COL4A6: variants seen among roughly 807,000 people sequenced by gnomAD.
COL4A6 encodes collagen type IV alpha 6 chain.
A neutral mutation model predicts 126.7 loss-of-function variants in COL4A6; 59 were observed. The observed-to-expected ratio is 0.47, with a 90% CI of 0.38 to 0.58. The LOEUF (loss-of-function observed/expected upper bound fraction) is 0.58, where lower values mean the gene tolerates loss of function less well. Among genes scored for constraint, COL4A6 ranks in the 20% least tolerant of loss-of-function variants. The pLI is 0.00. For missense variants in COL4A6, 1,285 were observed against 1,337.3 expected, an observed-to-expected ratio of 0.96 and a Z score of 0.61; for synonymous variants, 547 against 496.6, an observed-to-expected ratio of 1.10 and a Z score of -1.35.
At chrX:108,413,801 A>C (rs773730232) in intron 2 of COL4A6, among the ~76,000 whole-genome samples, 84 of 112,066 alleles carry the variant, frequency 7.5e-4, no homozygotes, top group Non-Finnish European at 1.3e-3. Context: ...GACTGAAGGC[A>C]ATGTAGGAGT....
chrX:108,194,142 C>G (rs1006407650), intron 16 of COL4A6, among the ~76,000 whole-genome samples: 2 of 112,269 alleles, frequency 1.8e-5, no homozygotes, highest in African/African-American at 6.5e-5. Flanking sequence ...ATTTAGGTAC[C>G]AAAAACACAT....
intron 3 of COL4A6, among the ~76,000 whole-genome samples, chrX:108,273,913 AAGAT>A (rs1403861931): frequency 5.3e-5 from 6 of 112,439 alleles, no homozygotes; most frequent in African/African-American, 1.9e-4. Context: ...AGGTTAGAGA[AAGAT>A]AGAGTATGTT....
intron 3 of COL4A6, among the ~76,000 whole-genome samples, chrX:108,276,227 T>C (rs1190029440): frequency 8.9e-6 from 1 of 112,871 alleles, no homozygotes; most frequent in Admixed American, 9.3e-5. Flanking sequence ...CCACATCTTC[T>C]TTTTAGCACT....
At chrX:108,404,994 A>G (rs2041173177) in intron 2 of COL4A6, among the ~76,000 whole-genome samples, 1 of 110,900 alleles carries the variant, frequency 9.0e-6, no homozygotes, top group Non-Finnish European at 1.9e-5. Context: ...TACCCCCCAC[A>G]CAAAACAAAC....
intron 2 of COL4A6, among the ~76,000 whole-genome samples, chrX:108,398,458 A>G (rs1163181908): frequency 9.0e-6 from 1 of 111,453 alleles, no homozygotes; most frequent in East Asian, 2.8e-4. Flanking sequence ...AAGTTCAAGA[A>G]CATACAGAAC....
intron 13 of COL4A6, among the ~76,000 whole-genome samples, chrX:108,197,559 C>T (rs2035257182): frequency 1.8e-5 from 2 of 111,575 alleles, no homozygotes; most frequent in South Asian, 7.6e-4. Flanking sequence ...CATCTGTTGT[C>T]CCTTTAATGT....
At chrX:108,393,272 T>C (rs759662368) in intron 2 of COL4A6, among the ~76,000 whole-genome samples, 4 of 112,476 alleles carry the variant, frequency 3.6e-5, no homozygotes, top group Non-Finnish European at 7.5e-5. Flanking sequence ...AAATGTGGTA[T>C]ATTTATACAT....
intron 2 of COL4A6, among the ~76,000 whole-genome samples, chrX:108,366,097 G>T (rs190337658): frequency 9.0e-6 from 1 of 111,559 alleles, no homozygotes; most frequent in East Asian, 2.8e-4. Context: ...TCTTAAGCAA[G>T]AACTTGATGT....
intron 2 of COL4A6, among the ~76,000 whole-genome samples, chrX:108,370,799 C>G (rs934840023): frequency 9.0e-6 from 1 of 111,449 alleles, no homozygotes; most frequent in Non-Finnish European, 1.9e-5. Context: ...CCTAGCCCAG[C>G]GTCCAGCACA....
Position 108,334,432 on chromosome X carries a change from A to G in COL4A6, c.64-23604T>C, listed in dbSNP as rs771305959. On this transcript the variant is annotated intron_variant, in intron 2 of 44. Transcript: ENST00000334504. ...TAACTACACAAAACAGTTTTTCAAT[A>G]AGGTCGGTGAAACATGAGATGAAAA... Among the ~76,000 whole-genome samples the G allele has an allele frequency of 8.9e-5, 10 of 111,910 alleles. No individual in the cohort carries two copies. In the Admixed American group the frequency reaches 9.5e-4, roughly 11 times the overall value.
chrX:108,186,763 T>C (rs779320614), intron 23 of COL4A6, among the ~76,000 whole-genome samples: 1 of 110,530 alleles, frequency 9.0e-6, no homozygotes, highest in African/African-American at 3.3e-5. Context: ...ATTGCTTTGA[T>C]GACATTTGCA....
chrX:108,319,625 G>A (rs1357866880), intron 2 of COL4A6, among the ~76,000 whole-genome samples: 3 of 111,931 alleles, frequency 2.7e-5, no homozygotes, highest in African/African-American at 9.8e-5. Context: ...ACATACCAAT[G>A]GATTTAGCAA....
chrX:108,206,699 C>CA, intron 8 of COL4A6, 119 bp from the exon 9 acceptor site: 1 of 618,603 alleles, frequency 1.6e-6, no homozygotes, highest in Non-Finnish European at 2.8e-6. Flanking sequence ...TCATAATAGT[C>CA]AAAAATTGGA....
intron 1 of COL4A6, 49 bp from the exon 2 acceptor site, chrX:108,438,042 G>T (rs750319840): frequency 2.5e-6 from 3 of 1,197,210 alleles, no homozygotes; most frequent in Non-Finnish European, 3.4e-6. Context: ...CTTCGGGGTC[G>T]TGCGTCTGCC....
intron 3 of COL4A6, among the ~76,000 whole-genome samples, chrX:108,297,761 G>C (rs1325855827): frequency 9.0e-6 from 1 of 110,685 alleles, no homozygotes; most frequent in Non-Finnish European, 1.9e-5. Context: ...GGTCTCTAGA[G>C]TGAGGGGCAA....
intron 31 of COL4A6, 54 bp downstream of exon 31, chrX:108,174,386 C>T: frequency 8.6e-7 from 1 of 1,157,808 alleles, no homozygotes. Context: ...GGGTATATCC[C>T]CGTGAGATGG....
chrX:108,286,577 A>G (rs938658990), intron 3 of COL4A6, among the ~76,000 whole-genome samples: 3 of 111,418 alleles, frequency 2.7e-5, no homozygotes, highest in South Asian at 7.7e-4. Flanking sequence ...GTCATGAGAT[A>G]TTTCTTTTTT....
intron 2 of COL4A6, among the ~76,000 whole-genome samples, chrX:108,343,165 A>ATATATATATATAGTGTGTGT (rs1377817612): frequency 3.2e-5 from 1 of 31,416 alleles, no homozygotes; most frequent in Admixed American, 4.3e-4. Context: ...ATATATATAT[A>ATATATATATATAGTGTGTGT]GTGTGTGTGT....
chrX:108,169,533 G>A lies in COL4A6; in HGVS notation c.3653C>T (p.Pro1218Leu), dbSNP rs761208046. Reference protein sequence around the residue: ...KGYPGIGIGAPGKPGLRGQKG... With the variant: ...KGYPGIGIGALGKPGLRGQKG... ...TTGCCCTCTCAGGCCCGGCTTCCCT[G>A]GAGCTCCGATGCCAATTCCTGGATA... Residue 1218 changes from proline (P) to leucine (L), a missense_variant, in exon 37 of 45, where the codon CCA (proline) becomes CTA (leucine). Coordinates refer to ENST00000334504, the MANE Select transcript of COL4A6 (RefSeq NM_033641.4). 2.5e-6 allele frequency: 3 copies of A among 1,211,705 alleles called. No individual in the cohort carries two copies. The highest frequency in any genetic ancestry group is 3.4e-6 in the Non-Finnish European group (3 of 895,511).
Sources: allele counts gnomAD v4.1 joint callset (sites outside exome capture counted in the v4.1 genomes callset), GRCh38; gene constraint gnomAD v4.1.1; transcripts MANE v1.5; gene names NCBI Gene and HGNC (gene_info 2026-07-23, HGNC 2026-07-21).